The following WFS1 variants were observed in gnomAD, a reference collection of about 807,000 sequenced individuals.
WFS1 encodes wolframin.
Under a neutral mutation model 68.5 loss-of-function variants are expected in WFS1, and 90 were observed. The observed-to-expected ratio is 1.31, with a 90% CI of 1.11 to 1.56. The LOEUF (loss-of-function observed/expected upper bound fraction) is 1.56, where lower values mean the gene tolerates loss of function less well. Ranked by LOEUF, WFS1 falls within the 40% of genes most tolerant of loss-of-function variation. The probability of loss-of-function intolerance (pLI) is 0.00; values close to 1 mark genes in which losing one functional copy is unlikely to be tolerated. For synonymous variants in WFS1, 860 were observed against 540.7 expected (o/e 1.59, Z -8.19); for missense variants, 1,767 against 1,232.6 (o/e 1.43, Z -6.49).
intron 2 of WFS1, among the ~76,000 whole-genome samples, chr4:6,280,593 A>AGGGCATCCCCAGGGCAGCAGGGGACAG (rs1730133189): frequency 1.3e-5 from 2 of 152,180 alleles, no homozygotes; most frequent in Admixed American, 1.3e-4. Flanking sequence ...GCTCAGATGC[A>AGGGCATCCCCAGGGCAGCAGGGGACAG]CAGAGGGACA....
rs752638064 is a variant in WFS1, at chr4:6,295,075, G to A, written c.747G>A (p.Glu249=). The A allele has an allele frequency of 1.5e-5, 24 of 1,613,482 alleles. No individual in the cohort carries two copies. In the Admixed American group the frequency reaches 3.3e-4, roughly 22 times the overall value. ...KNYIALDDFV[E]ITKKYAKGVI... ...ACATCGCGCTGGATGACTTTGTGGA[G>A]ATCACTAAGAAGTACGCCAAGGGCG... Residue 249 remains glutamate (E), a synonymous_variant, in exon 7 of 8, where the codon GAG becomes GAA. Coordinates refer to ENST00000226760, the MANE Select transcript of WFS1 (RefSeq NM_006005.3).
intron 4 of WFS1, among the ~76,000 whole-genome samples, chr4:6,290,408 C>T (rs929553331): frequency 1.3e-5 from 2 of 152,238 alleles, no homozygotes; most frequent in African/African-American, 2.4e-5. Flanking sequence ...GCGGCCCACA[C>T]GGCTCATTGT....
chr4:6,298,582 A>G (rs544124567), intron 7 of WFS1, among the ~76,000 whole-genome samples: 1 of 150,076 alleles, frequency 6.7e-6, no homozygotes, highest in African/African-American at 2.5e-5. Context: ...ACACACTCCT[A>G]AACACTTCCG....
At chr4:6,275,548 G>A (rs974034743) in intron 1 of WFS1, among the ~76,000 whole-genome samples, 20 of 123,120 alleles carry the variant, frequency 1.6e-4, no homozygotes, top group Admixed American at 8.6e-4. Context: ...GATGCACCCG[G>A]GGGTGCTTGA....
chr4:6,301,494 C>T lies in WFS1; in HGVS notation c.1699C>T (p.Leu567Phe). 4.3e-6 allele frequency: 7 copies of T among 1,613,340 alleles called. No homozygotes were observed. The highest frequency in any genetic ancestry group is 5.9e-6 in the Non-Finnish European group (7 of 1,179,896). Reference sequence around the variant, plus strand: ...CGCCTCCATCGGCTACTTCCTCTTCCTCTTTGCCCTCCCCATCCTGGTGGC... The same window carrying T: ...CGCCTCCATCGGCTACTTCCTCTTCTTCTTTGCCCTCCCCATCCTGGTGGC... ...LRASIGYFLF[L>F]FALPILVAGL... Residue 567 changes from leucine to phenylalanine, a missense_variant, in exon 8 of 8, where the codon CTC (leucine) becomes TTC (phenylalanine). By Grantham distance (22) the Leu-to-Phe change is conservative (BLOSUM62 0). Transcript: ENST00000226760.
intron 7 of WFS1, among the ~76,000 whole-genome samples, chr4:6,297,051 A>G (rs1730657747): frequency 6.6e-6 from 1 of 152,140 alleles, no homozygotes; most frequent in South Asian, 2.1e-4. Flanking sequence ...GCTGGTCTCA[A>G]ACTCCTGGGT....
At chr4:6,273,329 G>C (rs1366603918) in intron 1 of WFS1, among the ~76,000 whole-genome samples, 2 of 152,244 alleles carry the variant, frequency 1.3e-5, no homozygotes, top group Admixed American at 1.3e-4. Flanking sequence ...TGCTCATGAG[G>C]AAAGAATGCT....
chr4:6,282,050 C>T (rs1032491931), intron 2 of WFS1, among the ~76,000 whole-genome samples: 5 of 152,192 alleles, frequency 3.3e-5, no homozygotes, highest in African/African-American at 7.2e-5. Context: ...CAGGGCAGGC[C>T]GTGGTGAGCT....
At chr4:6,292,953 C>T (rs931506307) in intron 6 of WFS1, among the ~76,000 whole-genome samples, 6 of 152,236 alleles carry the variant, frequency 3.9e-5, no homozygotes, top group African/African-American at 7.2e-5. Context: ...GCCCTCGCCT[C>T]TGCGTGGGCG....
chr4:6,287,597 C>G lies in WFS1; in HGVS notation c.315+422C>G, dbSNP rs553729054. Reference sequence around the variant, plus strand: ...CGGTGACCATTCACTTGGGCATCAGCCAAGGGCTGGGCTTTGTGCCAGTGC... The same window carrying G: ...CGGTGACCATTCACTTGGGCATCAGGCAAGGGCTGGGCTTTGTGCCAGTGC... On this transcript the variant is annotated intron_variant, in intron 3 of 7. Coordinates refer to ENST00000226760, the MANE Select transcript of WFS1 (RefSeq NM_006005.3). This position sits in a 1 kb window ranked among gnomAD's most constrained non-coding sequence, Gnocchi z 6.4. Among the ~76,000 whole-genome samples, 5 of 152,334 alleles carry G rather than the reference C, an allele frequency of 3.3e-5. No homozygotes were observed. The South Asian group carries it at 1.0e-3, about 32-fold the overall frequency.
In WFS1 at chr4:6,302,931, T is replaced by C. The variant is rs1283562697; in HGVS notation, c.*463T>C. On this transcript the variant is annotated 3_prime_UTR_variant, in exon 8 of 8. Coordinates refer to ENST00000226760, the MANE Select transcript of WFS1 (RefSeq NM_006005.3). ...GGTCACTGCTACACCTTAGCAGCTC[T>C]TCCCCTTTCCTGGGGGATGTGCACG... 1 of 183,716 alleles carries C rather than the reference T, an allele frequency of 5.4e-6. No individual in the cohort carries two copies. The highest frequency in any genetic ancestry group is 1.2e-5 in the Non-Finnish European group (1 of 86,438). 11.4% of individuals were successfully genotyped at this position (183,716 alleles called of 1,614,324 possible).
At chr4:6,274,895 C>G (rs1729949905) in intron 1 of WFS1, among the ~76,000 whole-genome samples, 1 of 152,138 alleles carries the variant, frequency 6.6e-6, no homozygotes, top group Admixed American at 6.5e-5. Flanking sequence ...TAGAATTGGG[C>G]AGGTCTGGAT....
Position 6,300,894 on chromosome 4 carries a change from G to T in WFS1, c.1099G>T (p.Asp367Tyr), listed in dbSNP as rs886059528. 1.9e-6 allele frequency: 3 copies of T among 1,613,970 alleles called. No homozygotes were observed. The highest frequency in any genetic ancestry group is 2.5e-6 in the Non-Finnish European group (3 of 1,180,038). Residue 367 changes from aspartate to tyrosine, a missense_variant, in exon 8 of 8, where the codon GAC (aspartate) becomes TAC (tyrosine). Asp to Tyr is a radical substitution (Grantham distance 160, BLOSUM62 -3). Transcript: ENST00000226760. The part of the protein sequence containing the change: ...MVICTLKVFQ[D>Y]SKAWENFRTL... Reference sequence around the variant, plus strand: ...GATCTGCACCCTCAAGGTGTTCCAGGACAGCAAGGCCTGGGAGAACTTCCG... The same window carrying T: ...GATCTGCACCCTCAAGGTGTTCCAGTACAGCAAGGCCTGGGAGAACTTCCG...
In WFS1 at chr4:6,287,310, C is replaced by G. The variant is rs141010542; in HGVS notation, c.315+135C>G. ...AGGAGCCAGCGTGGTGCACCCTACC[C>G]CACTTGAGCCCCATGTTGGTAGGGT... On this transcript the variant is annotated intron_variant, in intron 3 of 7. Coordinates refer to ENST00000226760, the MANE Select transcript of WFS1 (RefSeq NM_006005.3). This position sits in a 1 kb window ranked among gnomAD's most constrained non-coding sequence, Gnocchi z 6.4. The G allele has an allele frequency of 2.3e-4, 177 of 763,802 alleles. 1 individual carries two copies. The African/African-American group carries it at 2.7e-3, about 11-fold the overall frequency. 47.3% of individuals were successfully genotyped at this position (763,802 alleles called of 1,614,324 possible). A position where few individuals can be genotyped will look rare whatever the true frequency, so the allele number is the denominator to read the frequency against.
rs148487947 is a variant in WFS1 at position 6,294,894 on chromosome 4, G to C, written c.713-147G>C. 1.7e-5 allele frequency: 23 copies of C among 1,373,850 alleles called. No homozygotes were observed. In the East Asian group the frequency reaches 5.1e-4, roughly 31 times the overall value. The allele number at this position is 1,373,850 out of a possible 1,614,324, so 85.1% of individuals were successfully genotyped here. On this transcript the variant is annotated intron_variant, in intron 6 of 7. Coordinates refer to ENST00000226760, the MANE Select transcript of WFS1 (RefSeq NM_006005.3). ...CAGCCTGGTCCTCAACCCTCAGGCC[G>C]CCCAGGGAAGGGTTTCCTCCACCTG... is the stretch of plus-strand genomic sequence containing the variant.
chr4:6,301,519 C>G lies in WFS1; in HGVS notation c.1724C>G (p.Ala575Gly), dbSNP rs71524360. 5.0e-5 allele frequency: 81 copies of G among 1,613,682 alleles called. 1 individual carries two copies. In the Admixed American group the frequency reaches 8.8e-4, roughly 18 times the overall value. ...LFLFALPILV[A>G]GLALVGVLQF... ...CTCTTTGCCCTCCCCATCCTGGTGG[C>G]CGGCCTGGCCCTGGTGGGCGTGCTG... The change falls in exon 8 of 8, where the codon GCC becomes GGC. Residue 575 changes from alanine to glycine, a missense_variant. By Grantham distance (60) the Ala-to-Gly change is moderately conservative. Coordinates refer to ENST00000226760, the MANE Select transcript of WFS1 (RefSeq NM_006005.3).
Position 6,300,873 on chromosome 4 carries a change from T to C in WFS1, c.1078T>C (p.Cys360Arg). 1 of 1,614,130 alleles carries C rather than the reference T, an allele frequency of 6.2e-7. No individual in the cohort carries two copies. Among genetic ancestry groups the C allele is most frequent in the Non-Finnish European group, 8.5e-7 (1 of 1,180,018 alleles). Residue 360 changes from cysteine to arginine, a missense_variant, in exon 8 of 8, where the codon TGC becomes CGC. Physicochemically the swap from Cys to Arg is radical, Grantham distance 180. Transcript: ENST00000226760. Reference protein sequence around the residue: ...FYLSFISMVICTLKVFQDSKA... With the variant: ...FYLSFISMVIRTLKVFQDSKA... ...CCTGTCCTTCATCTCCATGGTGATC[T>C]GCACCCTCAAGGTGTTCCAGGACAG...
Position 6,301,521 on chromosome 4 carries a change from G to T in WFS1, c.1726G>T (p.Gly576Cys), listed in dbSNP as rs1805069. The T allele has an allele frequency of 4.3e-6, 7 of 1,613,694 alleles. No individual in the cohort carries two copies. The highest frequency in any genetic ancestry group is 4.2e-6 in the Non-Finnish European group (5 of 1,180,030). The change falls in exon 8 of 8, where the codon GGC (glycine) becomes TGC (cysteine). Residue 576 changes from glycine (G) to cysteine (C), a missense_variant. Transcript: ENST00000226760. ...CTTTGCCCTCCCCATCCTGGTGGCC[G>T]GCCTGGCCCTGGTGGGCGTGCTGCA... ...FLFALPILVA[G>C]LALVGVLQFA...
chr4:6,302,569 C>T lies in WFS1; in HGVS notation c.*101C>T, dbSNP rs1292345510. ...CATGCACCAGTGCCGCCTGTGCCCA[C>T]GTGTGCAGACTGTGGCTGCAGAGAC... is the stretch of plus-strand genomic sequence containing the variant. On this transcript the variant is annotated 3_prime_UTR_variant, in exon 8 of 8. Transcript: ENST00000226760. The T allele has an allele frequency of 1.5e-5, 23 of 1,534,052 alleles. No homozygotes were observed. Among genetic ancestry groups the T allele is most frequent in the South Asian group, 9.5e-5 (8 of 84,032 alleles).
Sources: allele counts gnomAD v4.1 joint callset (sites outside exome capture counted in the v4.1 genomes callset), GRCh38; gene constraint gnomAD v4.1.1; non-coding constraint Gnocchi (gnomAD v3.1); transcripts MANE v1.5; gene names NCBI Gene and HGNC (gene_info 2026-07-23, HGNC 2026-07-21).